ZNF804B: variants seen among roughly 807,000 people sequenced by gnomAD.
The protein encoded by ZNF804B is zinc finger 804B.
In ZNF804B, 80 loss-of-function variants were observed where a neutral mutation model predicts 101.4. The observed-to-expected ratio is 0.79, with a 90% CI of 0.66 to 0.95. The LOEUF is 0.95. Ranked by LOEUF, ZNF804B falls within the 40% of genes least tolerant of loss-of-function variation. The pLI is 0.00. For missense variants in ZNF804B, 1,673 were observed against 1,561.9 expected (o/e 1.07, Z -1.20); for synonymous variants, 622 against 558.8 (o/e 1.11, Z -1.59).
At chr7:89,229,395 A>G (rs1002301394) in intron 2 of ZNF804B, among the ~76,000 whole-genome samples, 2 of 152,276 alleles carry the variant, frequency 1.3e-5, no homozygotes, top group Non-Finnish European at 2.9e-5. Context: ...CACCGTGAAT[A>G]CTAGCTGGAA....
intron 1 of ZNF804B, among the ~76,000 whole-genome samples, chr7:89,153,426 GATGATAATAATAATAATA>G (rs976411156): frequency 3.4e-5 from 3 of 89,414 alleles, no homozygotes; most frequent in African/African-American, 1.2e-4. Context: ...TGATGATGAT[GATGATAATAATAATAATA>G]ATAATAATAA....
intron 1 of ZNF804B, among the ~76,000 whole-genome samples, chr7:88,789,847 A>G (rs2115680001): frequency 6.6e-6 from 1 of 152,270 alleles, no homozygotes; most frequent in East Asian, 1.9e-4. Context: ...CAGTCACTGG[A>G]TGTCAAATTC....
At chr7:89,139,747 C>T (rs531403890) in intron 1 of ZNF804B, among the ~76,000 whole-genome samples, 1 of 152,196 alleles carries the variant, frequency 6.6e-6, no homozygotes, top group East Asian at 1.9e-4. Flanking sequence ...TTGCTGTGTC[C>T]ACCACATCTG....
chr7:88,951,377 A>G (rs902122630), intron 1 of ZNF804B, among the ~76,000 whole-genome samples: 3 of 151,666 alleles, frequency 2.0e-5, no homozygotes, highest in African/African-American at 7.2e-5. Flanking sequence ...GATTTAGAAT[A>G]GAAACTGAAT....
At chr7:88,873,687 T>G (rs753500056) in intron 1 of ZNF804B, among the ~76,000 whole-genome samples, 1 of 152,218 alleles carries the variant, frequency 6.6e-6, no homozygotes, top group Non-Finnish European at 1.5e-5. Context: ...TTTCTACATA[T>G]GGCGAGCCAG....
chr7:89,075,626 T>A (rs1789605134), intron 1 of ZNF804B, among the ~76,000 whole-genome samples: 1 of 151,338 alleles, frequency 6.6e-6, no homozygotes, highest in Non-Finnish European at 1.5e-5. Context: ...AGAACGGAAA[T>A]GTGGAATCAA....
chr7:89,102,096 A>G (rs979257843), intron 1 of ZNF804B, among the ~76,000 whole-genome samples: 1 of 152,006 alleles, frequency 6.6e-6, no homozygotes, highest in African/African-American at 2.4e-5. Flanking sequence ...ACACAGGTTG[A>G]TTCCATGACT....
At chr7:89,140,288 G>A (rs10229622) in intron 1 of ZNF804B, among the ~76,000 whole-genome samples, 91,759 of 151,780 alleles carry the variant, frequency 0.6, 28,124 homozygotes, top group African/African-American at 0.71. Context: ...AATTCTTAGT[G>A]GCTCTAGCAT....
At chr7:89,047,784 G>C (rs1050625915) in intron 1 of ZNF804B, among the ~76,000 whole-genome samples, 7 of 152,050 alleles carry the variant, frequency 4.6e-5, no homozygotes, top group African/African-American at 1.4e-4. Context: ...CACCCTCACT[G>C]CACTGTGCAT....
At chr7:88,940,488 A>G (rs1347581287) in intron 1 of ZNF804B, among the ~76,000 whole-genome samples, 1 of 151,914 alleles carries the variant, frequency 6.6e-6, no homozygotes, top group African/African-American at 2.4e-5. Flanking sequence ...TAAAAATAGA[A>G]TGGCCAGGTG....
intron 1 of ZNF804B, among the ~76,000 whole-genome samples, chr7:88,895,599 C>A (rs547792454): frequency 6.6e-6 from 1 of 152,268 alleles, no homozygotes; most frequent in South Asian, 2.1e-4. Context: ...ACGAAAGAAA[C>A]CAGCACTCCT....
intron 1 of ZNF804B, among the ~76,000 whole-genome samples, chr7:88,868,033 CTGTG>C (rs796357574): frequency 6.7e-5 from 9 of 135,034 alleles, no homozygotes; most frequent in African/African-American, 2.0e-4. Flanking sequence ...CATAATTCTA[CTGTG>C]TGTGTGTGTG....
intron 1 of ZNF804B, among the ~76,000 whole-genome samples, chr7:88,997,060 CT>C (rs1788210691): frequency 6.6e-6 from 1 of 151,992 alleles, no homozygotes; most frequent in Non-Finnish European, 1.5e-5. Context: ...TTGCATAATG[CT>C]TTTAAGGCAA....
chr7:89,212,491 A>G (rs1350781002), intron 1 of ZNF804B, among the ~76,000 whole-genome samples: 1 of 152,178 alleles, frequency 6.6e-6, no homozygotes, highest in African/African-American at 2.4e-5. Context: ...CTAAATTTCA[A>G]ACAATTGTCT....
chr7:88,932,995 A>G (rs1386560794), intron 1 of ZNF804B, among the ~76,000 whole-genome samples: 1 of 151,910 alleles, frequency 6.6e-6, no homozygotes, highest in African/African-American at 2.4e-5. Flanking sequence ...CATAACAACA[A>G]CAAAAATTAC....
intron 1 of ZNF804B, among the ~76,000 whole-genome samples, chr7:89,157,496 A>G (rs147942267): frequency 1.6e-4 from 25 of 152,244 alleles, no homozygotes; most frequent in African/African-American, 5.5e-4. Context: ...TCAAAATGAT[A>G]AAGTCTTTTG....
intron 1 of ZNF804B, among the ~76,000 whole-genome samples, chr7:88,984,725 A>G (rs1793736370): frequency 6.6e-6 from 1 of 152,112 alleles, no homozygotes; most frequent in Admixed American, 6.6e-5. Flanking sequence ...GACACTTTCT[A>G]TAACAAGGTA....
rs1788405423 is a variant in ZNF804B at position 89,008,574 on chromosome 7, G to A, written c.109-209581G>A. On this transcript the variant is annotated intron_variant, in intron 1 of 3. Transcript: ENST00000333190. ...CAACACTGTCCCTCAATCACTCACTGATTCCAGCACAGTTCATGCAGCTGG... is the reference window on the plus strand; with the variant it reads ...CAACACTGTCCCTCAATCACTCACTAATTCCAGCACAGTTCATGCAGCTGG... 2.0e-5 allele frequency among the ~76,000 whole-genome samples: 3 copies of A among 152,122 alleles called. No homozygotes were observed. In the South Asian group the frequency reaches 6.2e-4, roughly 32 times the overall value.
chr7:89,312,845 C>T (rs139178696), intron 2 of ZNF804B, among the ~76,000 whole-genome samples: 60 of 151,698 alleles, frequency 4.0e-4, no homozygotes, highest in Non-Finnish European at 7.1e-4. Context: ...TAATGACATG[C>T]AAAGAGGCAG....
Sources: gnomAD v4.1 joint callset for allele counts (sites outside exome capture counted in the v4.1 genomes callset) on GRCh38, gnomAD v4.1.1 for gene constraint, MANE v1.5 for transcripts, NCBI Gene and HGNC (gene_info 2026-07-23, HGNC 2026-07-21) for gene names.